Variants in ABCA2 observed in about 807,000 individuals in gnomAD.
ABCA2 encodes the protein ATP-binding cassette sub-family A member 2.
ABCA2 carries 84 observed loss-of-function variants against 262.8 expected under a neutral mutation model. The ratio of observed to expected loss-of-function variants is 0.32; its 90% CI spans 0.27 to 0.38. The LOEUF is 0.38. Among genes scored for constraint, ABCA2 ranks in the 10% least tolerant of loss-of-function variants. ABCA2 has a pLI of 1.00. For missense variants in ABCA2, 2,662 were observed against 3,405.9 expected (o/e 0.78, Z 5.44); for synonymous variants, 1,696 against 1,502.9 (o/e 1.13, Z -2.97).
Position 137,010,989 on chromosome 9 carries a change from A to G in ABCA2, c.6040T>C (p.Phe2014Leu), listed in dbSNP as rs1397046728. 3 of 1,578,788 alleles carry G rather than the reference A, an allele frequency of 1.9e-6. No individual in the cohort carries two copies. The highest frequency in any genetic ancestry group is 1.7e-5 in the Admixed American group (1 of 57,874). The change falls in exon 39 of 49, where the codon TTC (phenylalanine) becomes CTC (leucine). Residue 2014 changes from phenylalanine (F) to leucine (L), a missense_variant. This residue lies in a region of ABCA2 where 602 missense variants were observed against 897.4 expected (regional missense o/e 0.67). Coordinates refer to ENST00000341511, the MANE Select transcript of ABCA2 (RefSeq NM_001606.5). ...CCCACTCACTGTGGCCGCCGCAGGA[A>G]GTTGTACTGGCACATGATGGTCAGG... ...FLLTIMCQYN[F>L]LRRPQRMPVS...
At chr9:137,010,492 C>A in intron 40 of ABCA2, 121 bp from the exon 41 acceptor site, 1 of 1,447,326 alleles carries the variant, frequency 6.9e-7, no homozygotes, top group Non-Finnish European at 9.4e-7. Flanking sequence ...CACAGCCCCA[C>A]CCCATGCAGG....
chr9:137,010,888 CCCCCACCCCCGCCCCTACCCTG>C (rs1446890586), intron 39 of ABCA2, 63 bp downstream of exon 39: 20 of 425,584 alleles, frequency 4.7e-5, no homozygotes, highest in Non-Finnish European at 8.1e-5. Flanking sequence ...CCCATCCCTG[CCCCCACCCCCGCCCCTACCCTG>C]CCCCACCCCC....
Position 137,014,349 on chromosome 9 carries a change from C to T in ABCA2, c.4059G>A (p.Gly1353=). The T allele has an allele frequency of 6.2e-7, 1 of 1,603,712 alleles. No individual in the cohort carries two copies. The highest frequency in any genetic ancestry group is 8.5e-7 in the Non-Finnish European group (1 of 1,175,802). Residue 1353 remains glycine (G), a synonymous_variant, in exon 27 of 49, where the codon GGG becomes GGA. Coordinates refer to ENST00000341511, the MANE Select transcript of ABCA2 (RefSeq NM_001606.5). ...GGGCCAGATTGCCAGCGTGACCCTC[C>T]CCAGACGCCGGGCCCTCCGCCCCAG... is the stretch of plus-strand genomic sequence containing the variant. ...VLPGAEGPAS[G]EGHAGNLARC... is the part of the protein sequence containing the mutation.
intron 3 of ABCA2, chr9:137,023,383 G>A (rs1371959690): frequency 4.2e-6 from 3 of 709,182 alleles, no homozygotes; most frequent in African/African-American, 3.4e-5. Flanking sequence ...GTGTGGCACT[G>A]CCTACAGAGC....
At chr9:137,023,957 G>A (rs879183724) in intron 2 of ABCA2, 117 bp from the exon 3 acceptor site, 1 of 1,501,396 alleles carries the variant, frequency 6.7e-7, no homozygotes, top group South Asian at 1.2e-5. Context: ...ATCATTCGCG[G>A]CCACAGGCCA....
At position 137,010,665 on chromosome 9, in the gene ABCA2, C is replaced by T. The variant is rs202088446; in HGVS notation, c.6129G>A (p.Arg2043=). The change falls in exon 40 of 49, where the codon CGG becomes CGA. Residue 2043 remains arginine (R), a synonymous_variant. Coordinates refer to ENST00000341511, the MANE Select transcript of ABCA2 (RefSeq NM_001606.5). ...TGACCATGTCATTGTCGGCGTCTCC[C>T]CGGAGCACTCGCTGCCGCTCACTGG... The part of the protein sequence containing the change: ...DVASERQRVL[R]GDADNDMVKI... 1.6e-4 allele frequency: 263 copies of T among 1,612,412 alleles called. 2 individuals carry two copies. In the African/African-American group the frequency reaches 3.3e-3, roughly 20 times the overall value.
At position 137,016,187 on chromosome 9, in the gene ABCA2, G is replaced by A. The variant is rs1414031195; in HGVS notation, c.3105-13C>T. 1.9e-6 allele frequency: 3 copies of A among 1,612,412 alleles called. No homozygotes were observed. The highest frequency in any genetic ancestry group is 4.5e-5 in the East Asian group (2 of 44,860). ...GGTCAGGATGGACCTGGGTAGGTGG[G>A]CGGGGTCATGACCCCACGCCCTCTG... is the stretch of plus-strand genomic sequence containing the variant. On this transcript the variant is annotated splice_polypyrimidine_tract_variant and intron_variant, in intron 21 of 48. Coordinates refer to ENST00000341511, the MANE Select transcript of ABCA2 (RefSeq NM_001606.5).
intron 5 of ABCA2, 40 bp from the exon 6 acceptor site, chr9:137,022,518 C>T: frequency 6.2e-7 from 1 of 1,600,432 alleles, no homozygotes; most frequent in Non-Finnish European, 8.5e-7. Context: ...GCCGCTGCAC[C>T]TTGGCAAGGT....
Position 137,008,638 on chromosome 9 carries a change from G to A in ABCA2, c.7069-16C>T, listed in dbSNP as rs1449961837. 1.9e-6 allele frequency: 3 copies of A among 1,595,708 alleles called. No homozygotes were observed. Among genetic ancestry groups the A allele is most frequent in the Admixed American group, 1.7e-5 (1 of 57,474 alleles). The stretch of plus-strand genomic sequence containing the variant: ...TCACGAACACCTGGTGGGTGGCGCA[G>A]GCGTGTGGGGAGGGGGCTGGTCTGG... On this transcript the variant is annotated splice_polypyrimidine_tract_variant and intron_variant, in intron 47 of 48. Transcript: ENST00000341511.
intron 26 of ABCA2, 37 bp downstream of exon 26, chr9:137,014,653 G>A (rs1285414663): frequency 2.5e-6 from 4 of 1,590,922 alleles, no homozygotes; most frequent in Non-Finnish European, 3.4e-6. Context: ...GGGCCTTGTG[G>A]GTGGGGTGGG....
At chr9:137,018,372 CG>C (rs1564224790) in intron 13 of ABCA2, 21 bp from the exon 14 acceptor site, 1 of 415,460 alleles carries the variant, frequency 2.4e-6, no homozygotes, top group Non-Finnish European at 3.4e-6. Flanking sequence ...GAGGTTGGGG[CG>C]GGGCCAAGAT....
rs751100592 is a variant in ABCA2, at chr9:137,022,381, T to TGCTTGGGCC, written c.528_536dup (p.Ala177_Ala179dup). 1 of 1,609,036 alleles carries TGCTTGGGCC rather than the reference T, an allele frequency of 6.2e-7. No homozygotes were observed. The highest frequency in any genetic ancestry group is 8.5e-7 in the Non-Finnish European group (1 of 1,178,678). On this transcript the variant is annotated inframe_insertion, in exon 6 of 49. Coordinates refer to ENST00000341511, the MANE Select transcript of ABCA2 (RefSeq NM_001606.5). ...GCGGGTCCACACGGGCGGCCAAGAGTGCTTGGGCCGTGCTATTGGGCAGCG... is the reference window on the plus strand; with the variant it reads ...GCGGGTCCACACGGGCGGCCAAGAGTGCTTGGGCCGCTTGGGCCGTGCTATTGGGCAGCG...
Position 137,021,336 on chromosome 9 carries a change from C to G in ABCA2, c.897+56G>C. On this transcript the variant is annotated intron_variant, in intron 8 of 48. Coordinates refer to ENST00000341511, the MANE Select transcript of ABCA2 (RefSeq NM_001606.5). The surrounding 1 kb of genome is among the most constrained non-coding windows in gnomAD (Gnocchi z 6.0). ...TGAGCTCTCCAAGCGGTCCCAGCCC[C>G]TCCTTCAACTCAGGCAGCAAGCAGC... 6.3e-7 allele frequency: 1 copy of G among 1,583,040 alleles called. No individual in the cohort carries two copies. Among genetic ancestry groups the G allele is most frequent in the Non-Finnish European group, 8.6e-7 (1 of 1,168,934 alleles).
intron 48 of ABCA2, 50 bp from the exon 49 acceptor site, chr9:137,008,014 C>T: frequency 1.9e-6 from 3 of 1,584,250 alleles, no homozygotes; most frequent in Non-Finnish European, 2.6e-6. Context: ...CCACCCCCTG[C>T]TGGGGCTGAG....
Position 137,009,058 on chromosome 9 carries a change from T to A in ABCA2, c.6828-5A>T. On this transcript the variant is annotated splice_polypyrimidine_tract_variant and splice_region_variant and intron_variant, in intron 45 of 48. Coordinates refer to ENST00000341511, the MANE Select transcript of ABCA2 (RefSeq NM_001606.5). ...ATCATGTAGCCATCTCCAAACCTGG[T>A]GGGACAGGCCGGTGGCCCGGAGCCC... is the stretch of plus-strand genomic sequence containing the variant. 1 of 1,605,106 alleles carries A rather than the reference T, an allele frequency of 6.2e-7. No individual in the cohort carries two copies. Among genetic ancestry groups the A allele is most frequent in the Non-Finnish European group, 8.5e-7 (1 of 1,179,558 alleles).
chr9:137,009,109 C>T lies in ABCA2; in HGVS notation c.6828-56G>A. The T allele has an allele frequency of 2.0e-6, 3 of 1,536,370 alleles. No homozygotes were observed. The South Asian group carries it at 3.4e-5, about 17-fold the overall frequency. On this transcript the variant is annotated intron_variant, in intron 45 of 48. Transcript: ENST00000341511. ...TGCGCCGCCCAGCCAGAGCCCCAGC[C>T]CCCCAGCCTCCCAGCCCTACAGCCC...
chr9:137,014,280 C>T lies in ABCA2; in HGVS notation c.4128G>A (p.Ala1376=), dbSNP rs201737470. The T allele has an allele frequency of 4.2e-4, 676 of 1,611,334 alleles. No individual in the cohort carries two copies. The highest frequency in any genetic ancestry group is 2.0e-3 in the Middle Eastern group (12 of 6,060). Residue 1376 remains alanine (A), a synonymous_variant, in exon 27 of 49, where the codon GCG becomes GCA. Transcript: ENST00000341511. Reference sequence around the variant, plus strand: ...CGCCACGGGCAGAGCCCACAGATGACGCCGACTGCAGCGATGCCTGCGACT... The same window carrying T: ...CGCCACGGGCAGAGCCCACAGATGATGCCGACTGCAGCGATGCCTGCGACT... ...LTQSQASLQS[A]SSVGSARGDE...
At chr9:137,016,225 C>T (rs759902719) in intron 21 of ABCA2, 51 bp from the exon 22 acceptor site, 4 of 1,610,576 alleles carry the variant, frequency 2.5e-6, no homozygotes, top group Non-Finnish European at 2.5e-6. Context: ...GGGGCCCCAC[C>T]CTGCCCTGAC....
rs759873540 is a variant in ABCA2 at position 137,015,820 on chromosome 9, T to C, written c.3369A>G (p.Thr1123=). The change falls in exon 23 of 49, where the codon ACA becomes ACG. Residue 1123 remains threonine (T), a synonymous_variant. Coordinates refer to ENST00000341511, the MANE Select transcript of ABCA2 (RefSeq NM_001606.5). The part of the protein sequence containing the change: ...LSNKRHSLVQ[T]LSGGMKRKLS... The stretch of plus-strand genomic sequence containing the variant: ...GCTTGCGCTTCATGCCACCCGACAA[T>C]GTCTGCACCAGTGAGTGCCGTTTGT... 37 of 1,612,136 alleles carry C rather than the reference T, an allele frequency of 2.3e-5. No homozygotes were observed. Among genetic ancestry groups the C allele is most frequent in the Middle Eastern group, 3.3e-4 (2 of 6,058 alleles).
Sources: gnomAD v4.1 joint callset for allele counts on GRCh38, gnomAD v4.1.1 for gene constraint, gnomAD v4.1.1 regional missense constraint, Gnocchi (gnomAD v3.1) non-coding constraint, MANE v1.5 for transcripts, NCBI Gene and HGNC (gene_info 2026-07-23, HGNC 2026-07-21) for gene names.